Variants in BIRC6 observed in about 807,000 individuals in gnomAD.
The protein encoded by BIRC6 is baculoviral IAP repeat containing 6, also known as dual E2 ubiquitin-conjugating enzyme/E3 ubiquitin-protein ligase BIRC6.
In BIRC6, 98 loss-of-function variants were observed where a neutral mutation model predicts 503.3. The ratio of observed to expected loss-of-function variants is 0.19; its 90% CI spans 0.17 to 0.23. The LOEUF (loss-of-function observed/expected upper bound fraction) is 0.23. BIRC6 is among the 10% of genes least tolerant of loss of function. The pLI is 1.00. For synonymous variants in BIRC6, 2,240 were observed against 2,078.7 expected, an observed-to-expected ratio of 1.08 and a Z score of -2.11; for missense variants, 5,360 against 5,806.0, an observed-to-expected ratio of 0.92 and a Z score of 2.50.
chr2:32,556,839 T>A (rs2150559203), intron 65 of BIRC6, among the ~76,000 whole-genome samples: 1 of 152,162 alleles, frequency 6.6e-6, no homozygotes, highest in Non-Finnish European at 1.5e-5. Context: ...CTTGGGAGGT[T>A]GAGGCACAAG....
intron 67 of BIRC6, among the ~76,000 whole-genome samples, chr2:32,594,578 C>T (rs963201815): frequency 1.3e-5 from 2 of 152,050 alleles, no homozygotes; most frequent in African/African-American, 2.4e-5. Context: ...TGCCTGTGGT[C>T]CCGGCTACCT....
At chr2:32,514,511 TA>T (rs1254208374) in intron 54 of BIRC6, among the ~76,000 whole-genome samples, 1 of 152,226 alleles carries the variant, frequency 6.6e-6, no homozygotes, top group African/African-American at 2.4e-5. Flanking sequence ...ACATAAAAAG[TA>T]GGCCTATTGT....
At chr2:32,491,274 A>T in intron 43 of BIRC6, 151 bp from the exon 44 acceptor site, 1 of 719,684 alleles carries the variant, frequency 1.4e-6, no homozygotes, top group Non-Finnish European at 2.2e-6. Flanking sequence ...AGTCCTGCTT[A>T]GTCAATATAG....
At chr2:32,485,194 GTGTT>G (rs2050857595) in intron 39 of BIRC6, among the ~76,000 whole-genome samples, 1 of 152,192 alleles carries the variant, frequency 6.6e-6, no homozygotes, top group Admixed American at 6.5e-5. Flanking sequence ...TAGGGAGTAT[GTGTT>G]TGTGTGTGCG....
chr2:32,574,379 A>G (rs927582835), intron 65 of BIRC6, among the ~76,000 whole-genome samples: 1 of 151,866 alleles, frequency 6.6e-6, no homozygotes, highest in African/African-American at 2.4e-5. Flanking sequence ...TGGCCTCCCA[A>G]AGGTCTGGGA....
intron 61 of BIRC6, among the ~76,000 whole-genome samples, chr2:32,538,745 A>T (rs749722259): frequency 1.3e-5 from 2 of 152,220 alleles, no homozygotes; most frequent in Non-Finnish European, 2.9e-5. Context: ...AGCCTGGCCA[A>T]CATGGTGAAA....
rs1417158462 is a variant in BIRC6, at chr2:32,515,552, C to G, written c.11131C>G (p.Leu3711Val). ...GCTTGGTGGTTCTGAAGTCAATCCA[C>G]TATGGACAGCACTTCTGTTTTTATT... ...DWLGGSEVNP[L>V]WTALLFLLCH... Residue 3711 changes from leucine to valine, a missense_variant, in exon 55 of 74, where the codon CTA becomes GTA. Physicochemically the swap from Leu to Val is conservative, Grantham distance 32. Transcript: ENST00000421745. 1 of 1,613,880 alleles carries G rather than the reference C, an allele frequency of 6.2e-7. No homozygotes were observed. The highest frequency in any genetic ancestry group is 1.3e-5 in the African/African-American group (1 of 74,944).
At chr2:32,359,797 G>A (rs1164612220) in intron 1 of BIRC6, among the ~76,000 whole-genome samples, 6 of 152,028 alleles carry the variant, frequency 3.9e-5, no homozygotes, top group African/African-American at 1.2e-4. Flanking sequence ...TTGAACTTCC[G>A]GCCTCAAATG....
At chr2:32,591,349 T>C (rs1346139097) in intron 66 of BIRC6, among the ~76,000 whole-genome samples, 1 of 152,220 alleles carries the variant, frequency 6.6e-6, no homozygotes, top group Non-Finnish European at 1.5e-5. Flanking sequence ...ATTTTTCTTT[T>C]ACTTTTTCTT....
At chr2:32,395,420 TA>T in intron 5 of BIRC6, 90 bp from the exon 6 acceptor site, 1 of 1,042,232 alleles carries the variant, frequency 9.6e-7, no homozygotes, top group South Asian at 1.6e-5. Context: ...GAATTTTACT[TA>T]AAATTATGAA....
intron 10 of BIRC6, among the ~76,000 whole-genome samples, chr2:32,423,162 T>G (rs1002902295): frequency 2.0e-5 from 3 of 152,214 alleles, no homozygotes; most frequent in African/African-American, 4.8e-5. Context: ...ACTCCTGACC[T>G]TAAGTGCTCC....
intron 65 of BIRC6, among the ~76,000 whole-genome samples, chr2:32,572,749 CAAGG>C (rs1271902632): frequency 1.3e-5 from 2 of 152,084 alleles, no homozygotes; most frequent in African/African-American, 4.8e-5. Context: ...CAAGGGGAAA[CAAGG>C]AAAGAATGGC....
chr2:32,442,092 T>C lies in BIRC6; in HGVS notation c.3972T>C (p.Phe1324=), dbSNP rs200450824. The C allele has an allele frequency of 2.4e-5, 38 of 1,590,394 alleles. 1 individual carries two copies. In the African/African-American group the frequency reaches 4.8e-4, roughly 20 times the overall value. ...TGCAACGATGTGCCATGTTACAGTT[T>C]TCAGAATTTCATGAGAAGCTTCTTA... ...ERVQRCAMLQ[F]SEFHEKLLNT... The change falls in exon 18 of 74, where the codon TTT becomes TTC. Residue 1324 remains phenylalanine (F), a synonymous_variant. Coordinates refer to ENST00000421745, the MANE Select transcript of BIRC6 (RefSeq NM_016252.4).
At chr2:32,440,026 G>A (rs2045234252) in intron 16 of BIRC6, among the ~76,000 whole-genome samples, 1 of 152,136 alleles carries the variant, frequency 6.6e-6, no homozygotes, top group Non-Finnish European at 1.5e-5. Flanking sequence ...TCACAGGCGT[G>A]TGCCACCATG....
chr2:32,537,952 G>A (rs537366706), intron 61 of BIRC6, among the ~76,000 whole-genome samples: 2 of 150,512 alleles, frequency 1.3e-5, no homozygotes, highest in African/African-American at 4.9e-5. Context: ...GGGCGACAGC[G>A]AGACTCCGTC....
chr2:32,458,279 G>T (rs1322627450), intron 23 of BIRC6, among the ~76,000 whole-genome samples: 1 of 152,060 alleles, frequency 6.6e-6, no homozygotes, highest in Non-Finnish European at 1.5e-5. Flanking sequence ...TTCTGCTTCA[G>T]ATTGATAGGA....
chr2:32,471,998 A>T (rs1467199247), intron 32 of BIRC6, among the ~76,000 whole-genome samples: 2 of 152,238 alleles, frequency 1.3e-5, no homozygotes, highest in African/African-American at 4.8e-5. Context: ...TTTAAAAAAT[A>T]ATGTATATCT....
At chr2:32,600,956 C>T (rs60233153) in intron 70 of BIRC6, among the ~76,000 whole-genome samples, 211 of 152,248 alleles carry the variant, frequency 1.4e-3, no homozygotes, top group African/African-American at 5.0e-3. Context: ...TGTCTTGGGC[C>T]ACACAAAAAT....
chr2:32,430,468 G>A (rs555774926), intron 11 of BIRC6, among the ~76,000 whole-genome samples: 13 of 152,194 alleles, frequency 8.5e-5, no homozygotes, highest in Admixed American at 8.5e-4. Context: ...TTGATGTCTA[G>A]CATTTTATTT....
Sources: gnomAD v4.1 joint callset for allele counts (sites outside exome capture counted in the v4.1 genomes callset) on GRCh38, gnomAD v4.1.1 for gene constraint, MANE v1.5 for transcripts, NCBI Gene and HGNC (gene_info 2026-07-23, HGNC 2026-07-21) for gene names.